Variants in GATAD2B observed in about 807,000 individuals in gnomAD.
GATAD2B encodes transcriptional repressor p66-beta.
In GATAD2B, 8 loss-of-function variants were observed where a neutral mutation model predicts 64.3. That is an observed-to-expected ratio of 0.12 (90% CI 0.07 to 0.22). The LOEUF (loss-of-function observed/expected upper bound fraction) is 0.22. Among genes scored for constraint, GATAD2B ranks in the 10% least tolerant of loss-of-function variants. GATAD2B has a pLI of 1.00. For missense variants in GATAD2B, 453 were observed against 752.0 expected, an observed-to-expected ratio of 0.60 and a Z score of 4.65; for synonymous variants, 281 against 271.3, an observed-to-expected ratio of 1.04 and a Z score of -0.35.
chr1:153,835,377 T>C (rs1330974456), intron 1 of GATAD2B, among the ~76,000 whole-genome samples: 4 of 152,124 alleles, frequency 2.6e-5, no homozygotes, highest in African/African-American at 7.2e-5. Flanking sequence ...TGAAAATCTT[T>C]CATGAAAGGA....
chr1:153,913,964 G>C (rs1039751973), intron 1 of GATAD2B, among the ~76,000 whole-genome samples: 1 of 150,492 alleles, frequency 6.6e-6, no homozygotes. Context: ...GTTACAAGGG[G>C]CCGAGCACAG....
At chr1:153,920,353 C>T (rs1013595812) in intron 1 of GATAD2B, among the ~76,000 whole-genome samples, 23 of 152,272 alleles carry the variant, frequency 1.5e-4, no homozygotes, top group African/African-American at 5.5e-4. Context: ...GGGCAAAACC[C>T]CAAAATGGGG....
intron 1 of GATAD2B, among the ~76,000 whole-genome samples, chr1:153,893,247 G>A (rs1002506045): frequency 6.6e-6 from 1 of 152,158 alleles, no homozygotes; most frequent in African/African-American, 2.4e-5. Flanking sequence ...TCTGACTGTT[G>A]TTACGAGGAT....
chr1:153,865,395 A>G (rs1471154253), intron 1 of GATAD2B, among the ~76,000 whole-genome samples: 1 of 152,142 alleles, frequency 6.6e-6, no homozygotes, highest in Non-Finnish European at 1.5e-5. Context: ...TGGGAGGCGG[A>G]GGTTGCAGTG....
intron 1 of GATAD2B, among the ~76,000 whole-genome samples, chr1:153,839,065 G>GGTCACTTC (rs2101899700): frequency 7.4e-6 from 1 of 134,782 alleles, no homozygotes; most frequent in African/African-American, 2.9e-5. Context: ...ACTGAGATCA[G>GGTCACTTC]GTCACTTCAC....
chr1:153,877,987 T>A (rs1676888003), intron 1 of GATAD2B, among the ~76,000 whole-genome samples: 1 of 152,022 alleles, frequency 6.6e-6, no homozygotes, highest in South Asian at 2.1e-4. Context: ...TTGTAGCAAG[T>A]TTGGTCTGTT....
intron 1 of GATAD2B, among the ~76,000 whole-genome samples, chr1:153,891,135 G>C (rs1338013584): frequency 1.3e-5 from 2 of 151,712 alleles, no homozygotes; most frequent in Non-Finnish European, 2.9e-5. Context: ...AGTGAGCTGA[G>C]ATCGCACCAT....
chr1:153,805,303 C>T lies in GATAD2B; in HGVS notation c.*4874G>A, dbSNP rs1674079475. ...AAATGTGGGCTGTGTCTGCGCTCTC[C>T]TATTTTATCACCAAGATGGGGGAAA... On this transcript the variant is annotated 3_prime_UTR_variant, in exon 11 of 11. Coordinates refer to ENST00000368655, the MANE Select transcript of GATAD2B (RefSeq NM_020699.4). The T allele has an allele frequency of 6.6e-6, 1 of 152,100 alleles. No homozygotes were observed. Among genetic ancestry groups the T allele is most frequent in the South Asian group, 2.1e-4 (1 of 4,826 alleles). 9.4% of individuals were successfully genotyped at this position (152,100 alleles called of 1,614,324 possible).
intron 1 of GATAD2B, among the ~76,000 whole-genome samples, chr1:153,845,901 C>T (rs1675668509): frequency 2.0e-5 from 3 of 151,994 alleles, no homozygotes; most frequent in African/African-American, 7.2e-5. Context: ...CACCATTGTA[C>T]TCCACTGGAT....
intron 1 of GATAD2B, among the ~76,000 whole-genome samples, chr1:153,898,004 CA>C (rs60650122): frequency 0.3 from 39,441 of 131,226 alleles, 5,467 homozygotes; most frequent in Admixed American, 0.4. Context: ...AAAAAAAAAA[CA>C]AAAAAAAAAA....
At chr1:153,853,607 C>T (rs139683158) in intron 1 of GATAD2B, among the ~76,000 whole-genome samples, 1 of 152,260 alleles carries the variant, frequency 6.6e-6, no homozygotes, top group East Asian at 1.9e-4. Flanking sequence ...TGTGCAGAAG[C>T]TTTTTAGGTT....
At chr1:153,918,254 T>C (rs1279962022) in intron 1 of GATAD2B, among the ~76,000 whole-genome samples, 2 of 152,210 alleles carry the variant, frequency 1.3e-5, no homozygotes, top group African/African-American at 4.8e-5. Flanking sequence ...TTAGTAGCAT[T>C]ACCCAAAATC....
rs759245034 is a variant in GATAD2B at position 153,914,227 on chromosome 1, C to CAAAAA, written c.-2+8501_-2+8505dup. Among the ~76,000 whole-genome samples, 81 of 65,950 alleles carry CAAAAA rather than the reference C, an allele frequency of 1.2e-3. 6 individuals carry two copies. The highest frequency in any genetic ancestry group is 4.4e-3 in the African/African-American group (72 of 16,508). 43.3% of individuals were successfully genotyped at this position (65,950 alleles called of 152,430 possible). ...CATTGCACTCCAGCCCCCAGACTCT[C>CAAAAA]AAAAAAAAAAAAAAAAAAAAAAAAA... On this transcript the variant is annotated intron_variant, in intron 1 of 10. Coordinates refer to ENST00000368655, the MANE Select transcript of GATAD2B (RefSeq NM_020699.4).
chr1:153,883,101 G>C (rs1194466135), intron 1 of GATAD2B, among the ~76,000 whole-genome samples: 1 of 152,072 alleles, frequency 6.6e-6, no homozygotes, highest in Non-Finnish European at 1.5e-5. Context: ...CCAAATGCTT[G>C]CCTCATTTGG....
intron 2 of GATAD2B, among the ~76,000 whole-genome samples, chr1:153,824,607 G>C (rs1254771296): frequency 1.2e-5 from 1 of 83,916 alleles, no homozygotes; most frequent in Admixed American, 1.9e-4. Context: ...GCGAGACTCT[G>C]CCTTTAAAAA....
chr1:153,817,876 T>C (rs1371301404), intron 5 of GATAD2B, among the ~76,000 whole-genome samples, 164 bp downstream of exon 5: 1 of 152,242 alleles, frequency 6.6e-6, no homozygotes, highest in Non-Finnish European at 1.5e-5. Context: ...TTACTCATCC[T>C]TCTACTGAAG....
At chr1:153,869,324 A>G (rs979130184) in intron 1 of GATAD2B, among the ~76,000 whole-genome samples, 1 of 151,806 alleles carries the variant, frequency 6.6e-6, no homozygotes, top group African/African-American at 2.4e-5. Flanking sequence ...TGCCTGCAAC[A>G]AATACTGTAG....
At chr1:153,818,303 G>C in intron 4 of GATAD2B, 132 bp from the exon 5 acceptor site, 1 of 603,256 alleles carries the variant, frequency 1.7e-6, no homozygotes, top group South Asian at 2.7e-5. Context: ...GAAAAAGGGA[G>C]TCAAGGTTTT....
chr1:153,819,003 G>T, intron 3 of GATAD2B, 81 bp from the exon 4 acceptor site: 1 of 1,405,970 alleles, frequency 7.1e-7, no homozygotes, highest in Non-Finnish European at 9.8e-7. Context: ...TTACTTCTTA[G>T]CTCTGAAACC....
Sources: allele counts gnomAD v4.1 joint callset (sites outside exome capture counted in the v4.1 genomes callset), GRCh38; gene constraint gnomAD v4.1.1; transcripts MANE v1.5; gene names NCBI Gene and HGNC (gene_info 2026-07-23, HGNC 2026-07-21).